Variants in MOCOS observed in about 807,000 individuals in gnomAD.
MOCOS encodes molybdenum cofactor sulfurase.
Under a neutral mutation model 83.6 loss-of-function variants are expected in MOCOS, and 86 were observed. That is an observed-to-expected ratio of 1.03 (90% CI 0.86 to 1.23). MOCOS has a LOEUF of 1.23. Ranked by LOEUF, MOCOS falls within the 50% of genes most tolerant of loss-of-function variation. The probability of loss-of-function intolerance (pLI) is 0.00; values close to 1 mark genes in which losing one functional copy is unlikely to be tolerated. For missense variants in MOCOS, 1,120 were observed against 1,126.9 expected (o/e 0.99, Z 0.09); for synonymous variants, 445 against 434.7 (o/e 1.02, Z -0.29).
At chr18:36,201,953 C>T (rs1229746045) in intron 4 of MOCOS, among the ~76,000 whole-genome samples, 2 of 152,104 alleles carry the variant, frequency 1.3e-5, no homozygotes, top group African/African-American at 4.8e-5. Flanking sequence ...CCAATAAGGG[C>T]ACCTGAAGGC....
intron 9 of MOCOS, among the ~76,000 whole-genome samples, chr18:36,233,227 T>C (rs2091545174): frequency 6.6e-6 from 1 of 152,176 alleles, no homozygotes; most frequent in Non-Finnish European, 1.5e-5. Context: ...TCTTATGTCT[T>C]TATATCCCCA....
chr18:36,200,166 C>A lies in MOCOS; in HGVS notation c.783C>A (p.Ser261=), dbSNP rs1219799410. 4 of 1,614,120 alleles carry A rather than the reference C, an allele frequency of 2.5e-6. No individual in the cohort carries two copies. Among genetic ancestry groups the A allele is most frequent in the Non-Finnish European group, 3.4e-6 (4 of 1,180,058 alleles). The part of the protein sequence containing the change: ...SAHQADFVPI[S]FYKIFGFPTG... ...ACCAGGCCGACTTTGTCCCCATCTC[C>A]TTCTATAAGATCTTCGGGTTTCCTA... The change falls in exon 4 of 15, where the codon TCC becomes TCA. Residue 261 remains serine (S), a synonymous_variant. Transcript: ENST00000261326.
In MOCOS at chr18:36,192,684, G is replaced by T. The variant is rs551846811; in HGVS notation, c.143-2573G>T. Among the ~76,000 whole-genome samples the T allele has an allele frequency of 6.6e-5, 10 of 152,276 alleles. No homozygotes were observed. The East Asian group carries it at 1.9e-3, about 29-fold the overall frequency. On this transcript the variant is annotated intron_variant, in intron 1 of 14. Transcript: ENST00000261326. ...ATTTTTTGAGTCAGAGTCTCACTCT[G>T]TCACAAAGACTGGAGTACAGTGGTG...
chr18:36,220,101 G>A lies in MOCOS; in HGVS notation c.1844G>A (p.Ser615Asn). 6.2e-7 allele frequency: 1 copy of A among 1,613,918 alleles called. No homozygotes were observed. Among genetic ancestry groups the A allele is most frequent in the Non-Finnish European group, 8.5e-7 (1 of 1,180,036 alleles). ...VGNQGLLYDR[S>N]WMVVNHNGVC... The stretch of plus-strand genomic sequence containing the variant: ...AACCAAGGGCTGCTATATGACCGGA[G>A]CTGGATGGTTGTGAATCACAATGGT... The change falls in exon 9 of 15, where the codon AGC (serine) becomes AAC (asparagine). Residue 615 changes from serine to asparagine, a missense_variant. Ser to Asn is a conservative substitution (Grantham distance 46). Coordinates refer to ENST00000261326, the MANE Select transcript of MOCOS (RefSeq NM_017947.4).
intron 10 of MOCOS, among the ~76,000 whole-genome samples, chr18:36,249,795 G>A (rs992532719): frequency 2.0e-5 from 3 of 152,124 alleles, no homozygotes; most frequent in Admixed American, 6.5e-5. Context: ...ATTGGATAAG[G>A]AAGCTGAGGG....
chr18:36,211,067 T>C (rs2091453902), intron 6 of MOCOS, among the ~76,000 whole-genome samples: 1 of 151,990 alleles, frequency 6.6e-6, no homozygotes, highest in Admixed American at 6.6e-5. Flanking sequence ...GAATGGATTC[T>C]GTGGCTAAGG....
rs143273995 is a variant in MOCOS, at chr18:36,189,116, C to G, written c.142+1435C>G. ...AATCTCCTCCAGCTGTGATCTCTCA[C>G]GCCCACTATTGGCCAACCTCTCCCC... On this transcript the variant is annotated intron_variant, in intron 1 of 14. Transcript: ENST00000261326. 1.9e-3 allele frequency among the ~76,000 whole-genome samples: 284 copies of G among 152,234 alleles called. 5 individuals are homozygous for G. The East Asian group carries it at 0.041, about 22-fold the overall frequency.
chr18:36,259,092 C>T (rs761296770), intron 12 of MOCOS, among the ~76,000 whole-genome samples: 2 of 148,484 alleles, frequency 1.3e-5, no homozygotes, highest in Admixed American at 6.9e-5. Flanking sequence ...GTGGGGGGTG[C>T]AGAGGGCCAT....
At chr18:36,237,945 G>C (rs1397719569) in intron 9 of MOCOS, among the ~76,000 whole-genome samples, 1 of 151,886 alleles carries the variant, frequency 6.6e-6, no homozygotes, top group Non-Finnish European at 1.5e-5. Flanking sequence ...ATTCTCTGAC[G>C]GTAGTTTGTA....
intron 6 of MOCOS, among the ~76,000 whole-genome samples, chr18:36,210,030 A>G (rs966860328): frequency 8.6e-5 from 13 of 152,006 alleles, no homozygotes; most frequent in African/African-American, 2.7e-4. Context: ...GTGCTGCTGG[A>G]TTCTATTTAT....
chr18:36,237,458 A>T (rs1426552160), intron 9 of MOCOS, among the ~76,000 whole-genome samples: 2 of 152,248 alleles, frequency 1.3e-5, no homozygotes, highest in Non-Finnish European at 2.9e-5. Flanking sequence ...ATATTGAACC[A>T]GCCTTGCATC....
At chr18:36,203,875 A>T (rs990524396) in intron 5 of MOCOS, among the ~76,000 whole-genome samples, 18 of 152,198 alleles carry the variant, frequency 1.2e-4, no homozygotes, top group African/African-American at 4.1e-4. Flanking sequence ...CAAACGGAGT[A>T]GTTAATAAAT....
At position 36,266,742 on chromosome 18, in the gene MOCOS, C is replaced by G. The variant is rs559405359; in HGVS notation, c.2410-7C>G. The G allele has an allele frequency of 1.2e-6, 2 of 1,613,472 alleles. No individual in the cohort carries two copies. Among genetic ancestry groups the G allele is most frequent in the East Asian group, 4.5e-5 (2 of 44,868 alleles). On this transcript the variant is annotated splice_polypyrimidine_tract_variant and splice_region_variant and intron_variant, in intron 13 of 14. Transcript: ENST00000261326. ...GGCAACGCTGTGTTTTCCTTCTCAC[C>G]TGCCAGGTTTTGGGGCCTTGTCACA...
chr18:36,198,387 A>G lies in MOCOS; in HGVS notation c.233-303A>G, dbSNP rs1598870755. On this transcript the variant is annotated intron_variant, in intron 2 of 14. Transcript: ENST00000261326. ...CTGGGTGATGGAGCAAGACAGAACA[A>G]AAAACCAAATCACTTTTTATTTTAT... is the stretch of plus-strand genomic sequence containing the variant. 1.3e-5 allele frequency among the ~76,000 whole-genome samples: 2 copies of G among 152,346 alleles called. 1 individual carries two copies. Among genetic ancestry groups the G allele is most frequent in the South Asian group, 4.1e-4 (2 of 4,824 alleles).
intron 10 of MOCOS, 97 bp downstream of exon 10, chr18:36,249,097 C>T: frequency 9.4e-7 from 1 of 1,066,268 alleles, no homozygotes; most frequent in Non-Finnish European, 1.4e-6. Context: ...CTTTGCTACC[C>T]TTCAGTCCAG....
chr18:36,213,384 C>T lies in MOCOS; in HGVS notation c.1237C>T (p.Leu413Phe), dbSNP rs758984150. ...TCCGCAGGTGGACAAAATGGCCAGT[C>T]TTTACAACATCCACCTGCGAACTGG... is the stretch of plus-strand genomic sequence containing the variant. ...GYSQVDKMAS[L>F]YNIHLRTGCF... The change falls in exon 7 of 15, where the codon CTT (leucine) becomes TTT (phenylalanine). Residue 413 changes from leucine (L) to phenylalanine (F), a missense_variant. Transcript: ENST00000261326. 3.1e-6 allele frequency: 5 copies of T among 1,613,968 alleles called. No homozygotes were observed. In the Admixed American group the frequency reaches 8.3e-5, roughly 27 times the overall value.
chr18:36,231,377 T>C (rs2091537066), intron 9 of MOCOS, among the ~76,000 whole-genome samples: 1 of 152,216 alleles, frequency 6.6e-6, no homozygotes, highest in Non-Finnish European at 1.5e-5. Flanking sequence ...AGCCCATTGT[T>C]ATTAAATTAT....
intron 9 of MOCOS, among the ~76,000 whole-genome samples, chr18:36,243,508 G>A (rs2091591636): frequency 6.6e-6 from 1 of 151,982 alleles, no homozygotes; most frequent in Non-Finnish European, 1.5e-5. Flanking sequence ...GTTGAATTTA[G>A]TTAGCTAGGA....
rs373706288 is a variant in MOCOS, at chr18:36,268,690, A to T, written c.*5A>T. 8.6e-6 allele frequency: 13 copies of T among 1,512,248 alleles called. No homozygotes were observed. Among genetic ancestry groups the T allele is most frequent in the Middle Eastern group, 1.7e-4 (1 of 5,926 alleles). The allele number at this position is 1,512,248 out of a possible 1,614,324, so 93.7% of individuals were successfully genotyped here. A position where few individuals can be genotyped will look rare whatever the true frequency, so the allele number is the denominator to read the frequency against. On this transcript the variant is annotated 3_prime_UTR_variant, in exon 15 of 15. Transcript: ENST00000261326. ...CACCAGGATGTTACCTCCTAAAAAA[A>T]ATTTTTAGCATAAAGTTTCTCTTTT... is the stretch of plus-strand genomic sequence containing the variant.
Sources: allele counts gnomAD v4.1 joint callset (sites outside exome capture counted in the v4.1 genomes callset), GRCh38; gene constraint gnomAD v4.1.1; transcripts MANE v1.5; gene names NCBI Gene and HGNC (gene_info 2026-07-23, HGNC 2026-07-21).